Variants in MGAT5 observed in about 807,000 individuals in gnomAD.
MGAT5 encodes the protein alpha-1,6-mannosylglycoprotein 6-beta-N-acetylglucosaminyltransferase A.
MGAT5 carries 30 observed loss-of-function variants against 94.3 expected under a neutral mutation model. The ratio of observed to expected loss-of-function variants is 0.32; its 90% confidence interval spans 0.24 to 0.43. The LOEUF (loss-of-function observed/expected upper bound fraction) is 0.43, where lower values mean the gene tolerates loss of function less well. Ranked by LOEUF, MGAT5 falls within the 20% of genes least tolerant of loss-of-function variation. The pLI is 1.00. For missense variants in MGAT5, 691 were observed against 905.5 expected, an observed-to-expected ratio of 0.76 and a Z score of 3.04; for synonymous variants, 310 against 322.9, an observed-to-expected ratio of 0.96 and a Z score of 0.43.
intron 1 of MGAT5, among the ~76,000 whole-genome samples, chr2:134,201,682 T>C (rs1230164339): frequency 6.6e-6 from 1 of 152,114 alleles, no homozygotes; most frequent in Non-Finnish European, 1.5e-5. Flanking sequence ...TATTGTCAAG[T>C]GAGGTAACAG....
chr2:134,349,878 G>A lies in MGAT5; in HGVS notation c.1186G>A (p.Gly396Ser). 1 of 1,613,588 alleles carries A rather than the reference G, an allele frequency of 6.2e-7. No homozygotes were observed. Among genetic ancestry groups the A allele is most frequent in the Non-Finnish European group, 8.5e-7 (1 of 1,179,688 alleles). Residue 396 changes from glycine (G) to serine (S), a missense_variant, in exon 9 of 16, where the codon GGC (glycine) becomes AGC (serine). Physicochemically the swap from Gly to Ser is moderately conservative, Grantham distance 56. Around this residue, in one of 4 missense-constraint regions of MGAT5, gnomAD observed 121 missense variants for 206.1 expected, o/e 0.59. Transcript: ENST00000281923. The stretch of plus-strand genomic sequence containing the variant: ...TCATGCAAATTATGCCCAATCGAAA[G>A]GCCACAAGACCCCTTGGGGAAAATG... ...FNHANYAQSK[G>S]HKTPWGKWNL...
chr2:134,170,482 G>A (rs1412273978), intron 1 of MGAT5, among the ~76,000 whole-genome samples: 1 of 152,198 alleles, frequency 6.6e-6, no homozygotes, highest in African/African-American at 2.4e-5. Flanking sequence ...CTCTGTTACT[G>A]CTCAGGGCTT....
intron 10 of MGAT5, among the ~76,000 whole-genome samples, chr2:134,384,983 T>C (rs1185942131): frequency 2.0e-5 from 3 of 152,138 alleles, no homozygotes; most frequent in Non-Finnish European, 4.4e-5. Flanking sequence ...GGAAGAGAAC[T>C]CCACAGAAGC....
At chr2:134,326,052 CTT>C (rs1553446977) in intron 4 of MGAT5, among the ~76,000 whole-genome samples, 5 of 135,902 alleles carry the variant, frequency 3.7e-5, no homozygotes, top group East Asian at 4.2e-4. Context: ...CTCTCTCTCT[CTT>C]TTTTTTTTTT....
chr2:134,330,852 A>T (rs1182632546), intron 4 of MGAT5, among the ~76,000 whole-genome samples: 1 of 152,162 alleles, frequency 6.6e-6, no homozygotes, highest in African/African-American at 2.4e-5. Context: ...AGAATACTTC[A>T]CATTAATCAT....
chr2:134,304,471 A>C (rs767568102), intron 2 of MGAT5, among the ~76,000 whole-genome samples: 7 of 152,298 alleles, frequency 4.6e-5, no homozygotes, highest in African/African-American at 7.2e-5. Flanking sequence ...TGAAACGAAC[A>C]AATTCCCAGG....
At chr2:134,195,394 T>C (rs1679448070) in intron 1 of MGAT5, among the ~76,000 whole-genome samples, 1 of 152,248 alleles carries the variant, frequency 6.6e-6, no homozygotes, top group African/African-American at 2.4e-5. Context: ...TCAGTTTTAG[T>C]CTAGGCATTC....
At chr2:134,214,426 C>G (rs1293733919) in intron 1 of MGAT5, among the ~76,000 whole-genome samples, 2 of 152,202 alleles carry the variant, frequency 1.3e-5, no homozygotes, top group Admixed American at 1.3e-4. Context: ...TTGGGCCACA[C>G]ATAAAATACA....
At chr2:134,390,620 A>G (rs1441364336) in intron 10 of MGAT5, among the ~76,000 whole-genome samples, 2 of 152,240 alleles carry the variant, frequency 1.3e-5, no homozygotes, top group Admixed American at 1.3e-4. Flanking sequence ...ATGTAGGACT[A>G]ATCCAAAGAC....
At chr2:134,342,643 T>G (rs1263442989) in intron 7 of MGAT5, among the ~76,000 whole-genome samples, 1 of 150,336 alleles carries the variant, frequency 6.7e-6, no homozygotes, top group Admixed American at 6.7e-5. Context: ...TCCCATCTAC[T>G]CGAGAGGCAG....
chr2:134,185,605 A>C (rs1013198457), intron 1 of MGAT5, among the ~76,000 whole-genome samples: 4 of 152,200 alleles, frequency 2.6e-5, no homozygotes, highest in African/African-American at 9.7e-5. Flanking sequence ...ATAAGTGCTT[A>C]ACTGATTCAG....
At chr2:134,231,464 G>A (rs1484631299) in intron 1 of MGAT5, among the ~76,000 whole-genome samples, 1 of 152,182 alleles carries the variant, frequency 6.6e-6, no homozygotes, top group Non-Finnish European at 1.5e-5. Context: ...CCTCTGTGGT[G>A]GGTGGTAAAT....
intron 1 of MGAT5, among the ~76,000 whole-genome samples, chr2:134,180,759 CAAG>C (rs757583519): frequency 5.9e-5 from 9 of 152,114 alleles, no homozygotes; most frequent in South Asian, 2.1e-4. Flanking sequence ...TAAGAGATTC[CAAG>C]AAGGAGACCA....
At chr2:134,147,698 A>G (rs1686985976) in intron 1 of MGAT5, among the ~76,000 whole-genome samples, 1 of 152,104 alleles carries the variant, frequency 6.6e-6, no homozygotes, top group East Asian at 1.9e-4. Context: ...CTTCTGTCTG[A>G]GGTCTTACAC....
At chr2:134,399,495 CAGTT>C (rs949930806) in intron 10 of MGAT5, among the ~76,000 whole-genome samples, 2 of 152,166 alleles carry the variant, frequency 1.3e-5, no homozygotes, top group African/African-American at 2.4e-5. Flanking sequence ...AAGTTTTAAT[CAGTT>C]AGATCAGTTG....
intron 2 of MGAT5, among the ~76,000 whole-genome samples, chr2:134,306,816 A>G (rs1409248087): frequency 6.6e-6 from 1 of 152,160 alleles, no homozygotes; most frequent in South Asian, 2.1e-4. Context: ...CCCAGCTGAG[A>G]TCTCTTACAA....
At chr2:134,334,091 A>G (rs192187584) in intron 4 of MGAT5, among the ~76,000 whole-genome samples, 33 of 152,158 alleles carry the variant, frequency 2.2e-4, no homozygotes, top group African/African-American at 8.0e-4. Context: ...TAAAAGCTAA[A>G]TTGGATTGAC....
At chr2:134,121,864 ATC>A (rs1327849727) in intron 1 of MGAT5, among the ~76,000 whole-genome samples, 1 of 152,096 alleles carries the variant, frequency 6.6e-6, no homozygotes, top group Non-Finnish European at 1.5e-5. Context: ...CCCAGCGTTA[ATC>A]TCTGTGTCAT....
chr2:134,150,405 G>C (rs1687119506), intron 1 of MGAT5, among the ~76,000 whole-genome samples: 1 of 152,194 alleles, frequency 6.6e-6, no homozygotes, highest in African/African-American at 2.4e-5. Flanking sequence ...CCCAGAAGCA[G>C]TCTAATTCAC....
Sources: allele counts gnomAD v4.1 joint callset (sites outside exome capture counted in the v4.1 genomes callset), GRCh38; gene constraint gnomAD v4.1.1; regional missense constraint gnomAD v4.1.1; transcripts MANE v1.5; gene names NCBI Gene and HGNC (gene_info 2026-07-23, HGNC 2026-07-21).